The following ASIC2 variants were observed in gnomAD, a reference collection of about 807,000 sequenced individuals.
ASIC2 encodes acid sensing ion channel subunit 2.
Under a neutral mutation model 57.3 loss-of-function variants are expected in ASIC2, and 25 were observed. The ratio of observed to expected loss-of-function variants is 0.44; its 90% CI spans 0.32 to 0.61. The LOEUF (loss-of-function observed/expected upper bound fraction) is 0.61. ASIC2 is among the 20% of genes least tolerant of loss of function. ASIC2 has a pLI of 0.06. For synonymous variants in ASIC2, 319 were observed against 307.5 expected, an observed-to-expected ratio of 1.04 and a Z score of -0.39; for missense variants, 641 against 738.1, an observed-to-expected ratio of 0.87 and a Z score of 1.52.
chr17:33,986,644 G>T lies in ASIC2; in HGVS notation c.555+169334C>A, dbSNP rs572978590. On this transcript the variant is annotated intron_variant, in intron 1 of 9. Coordinates refer to the ASIC2 transcript ENST00000359872. The stretch of plus-strand genomic sequence containing the variant: ...CTTACTTCCTGCTCTCCTGCAAAGG[G>T]CCCCTCGATGCCACCACAGAGAAGA... Among the ~76,000 whole-genome samples the T allele has an allele frequency of 1.5e-3, 231 of 152,070 alleles. 1 individual carries two copies. Among genetic ancestry groups the T allele is most frequent in the African/African-American group, 5.4e-3 (223 of 41,472 alleles).
At chr17:33,874,296 C>T (rs1356037765) in intron 1 of ASIC2, among the ~76,000 whole-genome samples, 1 of 152,148 alleles carries the variant, frequency 6.6e-6, no homozygotes, top group Non-Finnish European at 1.5e-5. Flanking sequence ...ACCTCTGCTT[C>T]AACTAGGGCT....
intron 1 of ASIC2, among the ~76,000 whole-genome samples, chr17:34,059,821 C>G (rs928455258): frequency 6.6e-6 from 1 of 152,152 alleles, no homozygotes; most frequent in African/African-American, 2.4e-5. Flanking sequence ...CCGCATCCCC[C>G]ACAGCAGCTG....
intron 3 of ASIC2, among the ~76,000 whole-genome samples, chr17:33,035,312 T>G (rs1333581238): frequency 6.6e-6 from 1 of 152,192 alleles, no homozygotes; most frequent in East Asian, 1.9e-4. Flanking sequence ...CTATTTCTAT[T>G]GGTGGTTTAT....
chr17:33,483,531 G>A (rs772745518), intron 1 of ASIC2, among the ~76,000 whole-genome samples: 1 of 152,220 alleles, frequency 6.6e-6, no homozygotes. Flanking sequence ...ATTGTGGGCC[G>A]TTCTTAGCTA....
At chr17:33,295,339 C>T (rs967641292), upstream of ASIC2, among the ~76,000 whole-genome samples, 3 of 152,188 alleles carry the variant, frequency 2.0e-5, no homozygotes, top group Non-Finnish European at 2.9e-5. Flanking sequence ...CAGCTAGTGA[C>T]TCCAAGCAAT....
chr17:33,320,832 C>T (rs1466960842), intron 1 of ASIC2, among the ~76,000 whole-genome samples: 1 of 152,170 alleles, frequency 6.6e-6, no homozygotes, highest in Non-Finnish European at 1.5e-5. Flanking sequence ...GCTCTCTGTG[C>T]CCACTGCACT....
At chr17:33,646,062 T>C (rs1321008574) in intron 1 of ASIC2, among the ~76,000 whole-genome samples, 3 of 152,138 alleles carry the variant, frequency 2.0e-5, no homozygotes, top group Non-Finnish European at 2.9e-5. Context: ...AAAGCACTAA[T>C]TTTTACACTC....
intron 1 of ASIC2, among the ~76,000 whole-genome samples, chr17:34,086,806 T>C (rs1347179829): frequency 6.6e-6 from 1 of 152,228 alleles, no homozygotes; most frequent in African/African-American, 2.4e-5. Context: ...GCCTTCTTTG[T>C]CTCTTTTGAT....
intron 1 of ASIC2, among the ~76,000 whole-genome samples, chr17:33,772,295 G>A (rs1382910062): frequency 6.6e-6 from 1 of 152,204 alleles, no homozygotes; most frequent in African/African-American, 2.4e-5. Flanking sequence ...ATCTAGACAG[G>A]CCAGCCTTGC....
At chr17:33,236,842 G>T (rs1597644532) in intron 1 of ASIC2, among the ~76,000 whole-genome samples, 2 of 152,298 alleles carry the variant, frequency 1.3e-5, no homozygotes, top group Admixed American at 6.5e-5. Flanking sequence ...AGGAACTCCT[G>T]CAGCCACCAG....
At chr17:33,554,429 G>T (rs1350224589) in intron 1 of ASIC2, among the ~76,000 whole-genome samples, 1 of 151,966 alleles carries the variant, frequency 6.6e-6, no homozygotes, top group Non-Finnish European at 1.5e-5. Context: ...TGAAGGGAGT[G>T]ACCATAGAAG....
Position 33,158,560 on chromosome 17 carries a change from C to T in ASIC2, c.709-46493G>A, listed in dbSNP as rs182114103. ...TAATCCAATAATGCAAATCCTCTGTCCTTTTAGGAGAGTGATTGGCATGGC... is the reference window on the plus strand; with the variant it reads ...TAATCCAATAATGCAAATCCTCTGTTCTTTTAGGAGAGTGATTGGCATGGC... On this transcript the variant is annotated intron_variant, in intron 1 of 9. Coordinates refer to ENST00000225823, the MANE Select transcript of ASIC2 (RefSeq NM_183377.2). 2.0e-5 allele frequency among the ~76,000 whole-genome samples: 3 copies of T among 152,308 alleles called. No homozygotes were observed. The East Asian group carries it at 5.8e-4, about 29-fold the overall frequency.
intron 1 of ASIC2, among the ~76,000 whole-genome samples, chr17:33,469,095 A>G (rs927349479): frequency 7.2e-5 from 11 of 152,254 alleles, no homozygotes; most frequent in African/African-American, 2.4e-4. Flanking sequence ...GCTTTCTGGC[A>G]TTGCCAACCC....
At chr17:33,698,648 C>A (rs941406016) in intron 1 of ASIC2, among the ~76,000 whole-genome samples, 1 of 152,130 alleles carries the variant, frequency 6.6e-6, no homozygotes, top group Admixed American at 6.5e-5. Flanking sequence ...TACTTGCCAG[C>A]CTGCCACATG....
chr17:33,682,535 A>G (rs1447270844), intron 1 of ASIC2, among the ~76,000 whole-genome samples: 1 of 152,222 alleles, frequency 6.6e-6, no homozygotes, highest in Non-Finnish European at 1.5e-5. Context: ...TTCATGTTTT[A>G]GTCCTGATAG....
chr17:33,330,397 A>G (rs146053699), intron 1 of ASIC2, among the ~76,000 whole-genome samples: 3 of 152,222 alleles, frequency 2.0e-5, no homozygotes, highest in Non-Finnish European at 2.9e-5. Flanking sequence ...AGCATCCCAC[A>G]GAGTCAGTGA....
At chr17:33,414,337 A>G (rs1237516307) in intron 1 of ASIC2, among the ~76,000 whole-genome samples, 3 of 152,094 alleles carry the variant, frequency 2.0e-5, no homozygotes, top group Non-Finnish European at 4.4e-5. Context: ...GGATGCAGCG[A>G]TGGTCTGGGT....
chr17:33,822,026 C>A (rs751861065), intron 1 of ASIC2, among the ~76,000 whole-genome samples: 1 of 152,122 alleles, frequency 6.6e-6, no homozygotes. Flanking sequence ...TTGGTTTGAC[C>A]ACTTACTACC....
chr17:34,064,665 C>T (rs1388903789), intron 1 of ASIC2, among the ~76,000 whole-genome samples: 1 of 152,204 alleles, frequency 6.6e-6, no homozygotes. Context: ...CTACAACAAA[C>T]TCAAACAAAT....
Sources: allele counts gnomAD v4.1 joint callset (sites outside exome capture counted in the v4.1 genomes callset), GRCh38; gene constraint gnomAD v4.1.1; transcripts MANE v1.5; gene names NCBI Gene and HGNC (gene_info 2026-07-23, HGNC 2026-07-21).